The following DLG2 variants were observed in gnomAD, a reference collection of about 807,000 sequenced individuals.
DLG2 encodes the protein disks large homolog 2.
DLG2 carries 45 observed loss-of-function variants against 132.5 expected under a neutral mutation model. The observed-to-expected ratio is 0.34, with a 90% CI of 0.27 to 0.44. The LOEUF (loss-of-function observed/expected upper bound fraction) is 0.44, where lower values mean the gene tolerates loss of function less well. Among genes scored for constraint, DLG2 ranks in the 20% least tolerant of loss-of-function variants. The probability of loss-of-function intolerance (pLI) is 1.00; values close to 1 mark genes in which losing one functional copy is unlikely to be tolerated. For synonymous variants in DLG2, 424 were observed against 419.6 expected, an observed-to-expected ratio of 1.01 and a Z score of -0.13; for missense variants, 1,045 against 1,196.9, an observed-to-expected ratio of 0.87 and a Z score of 1.87.
intron 6 of DLG2, among the ~76,000 whole-genome samples, chr11:84,552,836 G>C (rs116064725): frequency 0.013 from 1,944 of 152,184 alleles, 39 homozygotes; most frequent in African/African-American, 0.045. Context: ...TTAAACACAA[G>C]TTTGGCTATA....
intron 7 of DLG2, among the ~76,000 whole-genome samples, chr11:84,354,456 T>C (rs1274626675): frequency 3.3e-5 from 5 of 152,168 alleles, no homozygotes; most frequent in Non-Finnish European, 7.4e-5. Flanking sequence ...GAGAAGGAAA[T>C]TGCACCTTTT....
At chr11:85,434,402 A>AT (rs58508196) in intron 3 of DLG2, among the ~76,000 whole-genome samples, 1 of 150,482 alleles carries the variant, frequency 6.6e-6, no homozygotes, top group Admixed American at 6.6e-5. Context: ...TTTTGAAAAA[A>AT]TTTTAAAAAA....
intron 19 of DLG2, among the ~76,000 whole-genome samples, chr11:83,622,524 T>C (rs2061796967): frequency 6.6e-6 from 1 of 152,262 alleles, no homozygotes; most frequent in Non-Finnish European, 1.5e-5. Context: ...GACATTTAAA[T>C]TTTTGATGTA....
intron 3 of DLG2, among the ~76,000 whole-genome samples, chr11:85,499,133 C>A (rs566406879): frequency 6.6e-6 from 1 of 151,970 alleles, no homozygotes; most frequent in Non-Finnish European, 1.5e-5. Context: ...AAACAAAAAA[C>A]CCCTTCCAAA....
intron 11 of DLG2, among the ~76,000 whole-genome samples, chr11:84,018,053 G>A (rs146602342): frequency 6.6e-6 from 1 of 151,904 alleles, no homozygotes; most frequent in African/African-American, 2.4e-5. Context: ...TATTTATCCT[G>A]TTTGAAACTT....
chr11:83,833,259 G>T (rs535202408), intron 17 of DLG2, among the ~76,000 whole-genome samples: 1 of 152,124 alleles, frequency 6.6e-6, no homozygotes, highest in Non-Finnish European at 1.5e-5. Context: ...ACAACATGGC[G>T]AAACCCTGTC....
intron 6 of DLG2, among the ~76,000 whole-genome samples, chr11:84,932,075 T>C (rs1238769966): frequency 5.9e-5 from 9 of 152,226 alleles, no homozygotes; most frequent in African/African-American, 1.7e-4. Flanking sequence ...GGTTGTCTGT[T>C]TACTCTGTTG....
At chr11:84,545,885 A>G (rs1438207754) in intron 6 of DLG2, 2 of 156,762 alleles carry the variant, frequency 1.3e-5, no homozygotes, top group African/African-American at 4.9e-5. Context: ...CCCCCTAAGT[A>G]GCTGGGATTA....
At chr11:85,613,181 TG>T (rs1212416538) in intron 2 of DLG2, among the ~76,000 whole-genome samples, 3 of 152,198 alleles carry the variant, frequency 2.0e-5, no homozygotes, top group African/African-American at 7.2e-5. Context: ...TACTCGCCTT[TG>T]GGCCCTGTAT....
chr11:84,120,931 T>C (rs531436013), intron 9 of DLG2, among the ~76,000 whole-genome samples: 11 of 152,242 alleles, frequency 7.2e-5, no homozygotes, highest in Admixed American at 2.6e-4. Flanking sequence ...TTGGAGAATA[T>C]GTATATAAAC....
Position 85,599,067 on chromosome 11 carries a change from T to C in DLG2, c.-92-279A>G, listed in dbSNP as rs182248419. On this transcript the variant is annotated intron_variant, in intron 2 of 27. Transcript: ENST00000376104. ...ACGATGTTCAAGTTAGATATAACTC[T>C]CTCTTGTCAGAGACACTGACCTTAA... 1.3e-3 allele frequency among the ~76,000 whole-genome samples: 203 copies of C among 152,294 alleles called. 1 individual carries two copies. The highest frequency in any genetic ancestry group is 4.8e-3 in the African/African-American group (201 of 41,568).
rs1390996759 is a variant in DLG2, at chr11:84,519,702, A to G, written c.519+14868T>C. On this transcript the variant is annotated intron_variant, in intron 7 of 27. Transcript: ENST00000376104. ...TCCTCCTATTTTTTCCAAAATTTAC[A>G]AAAGATTTATTCTCAAGGACAAGCA... is the stretch of plus-strand genomic sequence containing the variant. Among the ~76,000 whole-genome samples, 3 of 152,160 alleles carry G rather than the reference A, an allele frequency of 2.0e-5. No individual in the cohort carries two copies. In the East Asian group the frequency reaches 5.8e-4, roughly 29 times the overall value.
chr11:85,521,107 A>G (rs1280119830), intron 3 of DLG2, among the ~76,000 whole-genome samples: 1 of 152,234 alleles, frequency 6.6e-6, no homozygotes, highest in South Asian at 2.1e-4. Flanking sequence ...ATATCTGCAA[A>G]CTATCTGATG....
intron 6 of DLG2, among the ~76,000 whole-genome samples, chr11:84,744,898 TAAAA>T (rs758776805): frequency 9.7e-5 from 7 of 71,818 alleles, no homozygotes; most frequent in Non-Finnish European, 1.7e-4. Context: ...AGTAAAGGTC[TAAAA>T]AAAAAAAAAA....
rs151267263 is a variant in DLG2 at position 83,970,368 on chromosome 11, T to A, written c.1057-4900A>T. Among the ~76,000 whole-genome samples, 965 of 152,212 alleles carry A rather than the reference T, an allele frequency of 6.3e-3. 4 individuals are homozygous for A. The highest frequency in any genetic ancestry group is 9.5e-3 in the Non-Finnish European group (647 of 68,008). ...AATTTTTAGACCATAAAGCAGAAGT[T>A]GAGGGAAAGGTAGTGGTGAGAAATG... On this transcript the variant is annotated intron_variant, in intron 12 of 27. Transcript: ENST00000376104.
intron 6 of DLG2, among the ~76,000 whole-genome samples, chr11:84,916,118 G>A (rs1170401167): frequency 6.6e-6 from 1 of 151,924 alleles, no homozygotes; most frequent in African/African-American, 2.4e-5. Flanking sequence ...GGCCGAGGCG[G>A]GCGGATCACG....
At chr11:84,786,530 A>G (rs2072925745) in intron 6 of DLG2, among the ~76,000 whole-genome samples, 1 of 152,206 alleles carries the variant, frequency 6.6e-6, no homozygotes, top group South Asian at 2.1e-4. Flanking sequence ...ACAAGCTTCT[A>G]AGATAGAGCA....
At chr11:84,502,735 G>T (rs2099224714) in intron 7 of DLG2, among the ~76,000 whole-genome samples, 1 of 151,974 alleles carries the variant, frequency 6.6e-6, no homozygotes, top group African/African-American at 2.4e-5. Flanking sequence ...ACTTTCTAGT[G>T]AGTGTTTACT....
chr11:84,192,009 T>C (rs1299707451), intron 8 of DLG2, among the ~76,000 whole-genome samples: 1 of 152,008 alleles, frequency 6.6e-6, no homozygotes, highest in Non-Finnish European at 1.5e-5. Flanking sequence ...GTCATTCTAA[T>C]AGCACTATAC....
Sources: allele counts gnomAD v4.1 joint callset (sites outside exome capture counted in the v4.1 genomes callset), GRCh38; gene constraint gnomAD v4.1.1; transcripts MANE v1.5; gene names NCBI Gene and HGNC (gene_info 2026-07-23, HGNC 2026-07-21).